The following ASB15 variants were observed in gnomAD, a reference collection of about 807,000 sequenced individuals.
ASB15 encodes the protein ankyrin repeat and SOCS box protein 15.
ASB15 carries 54 observed loss-of-function variants against 58.0 expected under a neutral mutation model. The observed-to-expected ratio is 0.93, with a 90% CI of 0.75 to 1.17. The LOEUF is 1.17. Among genes scored for constraint, ASB15 ranks in the 50% most tolerant of loss-of-function variants. ASB15 has a pLI of 0.00. For synonymous variants in ASB15, 249 were observed against 262.4 expected (o/e 0.95, Z 0.50); for missense variants, 680 against 707.4 (o/e 0.96, Z 0.44).
rs541047439 is a variant in ASB15 at position 123,618,772 on chromosome 7, A to C, written c.451+1035A>C. 3.3e-5 allele frequency among the ~76,000 whole-genome samples: 5 copies of C among 152,350 alleles called. No homozygotes were observed. In the South Asian group the frequency reaches 1.0e-3, roughly 32 times the overall value. ...AAAAAAAATTTTAAACAACCTTAATATTAAGAAAACCTGAATATTGTTAAG... is the reference window on the plus strand; with the variant it reads ...AAAAAAAATTTTAAACAACCTTAATCTTAAGAAAACCTGAATATTGTTAAG... On this transcript the variant is annotated intron_variant, in intron 7 of 11. Coordinates refer to ENST00000451215, the MANE Select transcript of ASB15 (RefSeq NM_001290258.2).
At chr7:123,589,159 T>C (rs1584738671) in intron 1 of ASB15, among the ~76,000 whole-genome samples, 2 of 151,968 alleles carry the variant, frequency 1.3e-5, no homozygotes, top group East Asian at 3.9e-4. Flanking sequence ...CCCCTACTAT[T>C]ATTGTCTATT....
intron 1 of ASB15, among the ~76,000 whole-genome samples, chr7:123,571,877 G>A (rs1232965711): frequency 6.6e-6 from 1 of 152,044 alleles, no homozygotes; most frequent in Non-Finnish European, 1.5e-5. Context: ...TGATCCTCCT[G>A]TTTCAGCCTC....
chr7:123,595,466 C>T (rs2116381429), intron 1 of ASB15, among the ~76,000 whole-genome samples: 1 of 152,358 alleles, frequency 6.6e-6, no homozygotes, highest in Admixed American at 6.5e-5. Flanking sequence ...TGTTCCCTCT[C>T]AGACTATCCT....
chr7:123,604,911 T>C (rs992248641), intron 2 of ASB15, among the ~76,000 whole-genome samples: 2 of 152,170 alleles, frequency 1.3e-5, no homozygotes, highest in Admixed American at 1.3e-4. Flanking sequence ...TGACTACTTG[T>C]GACACGTCAG....
intron 3 of ASB15, 137 bp from the exon 4 acceptor site, chr7:123,614,364 C>T (rs1002815987): frequency 1.6e-6 from 1 of 608,014 alleles, no homozygotes; most frequent in Non-Finnish European, 2.9e-6. Context: ...TAAAATGTTA[C>T]CCACATTTGT....
chr7:123,582,480 C>T (rs1257393644), intron 1 of ASB15, among the ~76,000 whole-genome samples: 1 of 151,960 alleles, frequency 6.6e-6, no homozygotes, highest in African/African-American at 2.4e-5. Flanking sequence ...TCAGTATATA[C>T]ATATATCCTA....
Position 123,609,263 on chromosome 7 carries a change from CT to C in ASB15, c.-3+610del, listed in dbSNP as rs139652109. Among the ~76,000 whole-genome samples, 301 of 152,198 alleles carry C rather than the reference CT, an allele frequency of 2.0e-3. 9 individuals carry two copies. The East Asian group carries it at 0.053, about 27-fold the overall frequency. The stretch of plus-strand genomic sequence containing the variant: ...TTTTGTTGTCCCTTCGTATCACTTC[CT>C]ACTAGATCCTAGCCTTAAACTTTCT... On this transcript the variant is annotated intron_variant, in intron 3 of 11. Transcript: ENST00000451215.
intron 1 of ASB15, among the ~76,000 whole-genome samples, chr7:123,586,428 T>A (rs947356057): frequency 1.3e-5 from 2 of 151,922 alleles, no homozygotes; most frequent in African/African-American, 4.8e-5. Flanking sequence ...TTAGGTTATT[T>A]GTTTTTTCTG....
chr7:123,606,794 T>C (rs925787508), intron 2 of ASB15, among the ~76,000 whole-genome samples: 1 of 152,200 alleles, frequency 6.6e-6, no homozygotes, highest in Non-Finnish European at 1.5e-5. Context: ...TCTCTTCTTT[T>C]TTAAGGTTAA....
chr7:123,618,869 A>G (rs529079738), intron 7 of ASB15, among the ~76,000 whole-genome samples: 1 of 152,070 alleles, frequency 6.6e-6, no homozygotes, highest in African/African-American at 2.4e-5. Flanking sequence ...ATATCAATGT[A>G]AAAAACGTAT....
At chr7:123,609,012 C>T (rs2116462870) in intron 3 of ASB15, 1 of 151,796 alleles carries the variant, frequency 6.6e-6, no homozygotes, top group African/African-American at 2.4e-5. Flanking sequence ...AACTCTTGCC[C>T]TTCCTCTGAT....
rs183747674 is a variant in ASB15, at chr7:123,568,261, C to T, written c.-443+1173C>T. Among the ~76,000 whole-genome samples the T allele has an allele frequency of 8.2e-4, 125 of 152,172 alleles. 2 individuals are homozygous for T. The East Asian group carries it at 0.02, about 24-fold the overall frequency. On this transcript the variant is annotated intron_variant, in intron 1 of 13. Transcript: ENST00000451558. ...GGCGCGGTGGCTCACGCCTGTAATC[C>T]CAGCACTTTGGGAGGCTGAGGCGGG... is the stretch of plus-strand genomic sequence containing the variant.
chr7:123,615,214 A>G (rs1467295117), intron 4 of ASB15: 1 of 152,294 alleles, frequency 6.6e-6, no homozygotes, highest in African/African-American at 2.4e-5. Flanking sequence ...AAAGTGATGT[A>G]TTATGTAGGT....
Position 123,628,938 on chromosome 7 carries a change from C to T in ASB15, c.944C>T (p.Ala315Val). ...RKSGLTPIHS[A>V]ADGQNAQCLE... ...AGTGGGCTAACACCAATTCACTCAG[C>T]AGCAGATGGACAAAATGCACAGTGT... The change falls in exon 10 of 12, where the codon GCA becomes GTA. Residue 315 changes from alanine (A) to valine (V), a missense_variant. By Grantham distance (64) the Ala-to-Val change is moderately conservative. Coordinates refer to ENST00000451215, the MANE Select transcript of ASB15 (RefSeq NM_001290258.2). 6.2e-7 allele frequency: 1 copy of T among 1,608,574 alleles called. No homozygotes were observed. The highest frequency in any genetic ancestry group is 8.5e-7 in the Non-Finnish European group (1 of 1,177,290).
chr7:123,594,877 GGC>G (rs1368712321), intron 1 of ASB15, among the ~76,000 whole-genome samples: 1 of 152,172 alleles, frequency 6.6e-6, no homozygotes, highest in Non-Finnish European at 1.5e-5. Flanking sequence ...TGTTCAGATA[GGC>G]CCTGCCCCCA....
intron 10 of ASB15, 54 bp downstream of exon 10, chr7:123,629,488 G>C: frequency 7.3e-7 from 1 of 1,365,464 alleles, no homozygotes; most frequent in Non-Finnish European, 1.0e-6. Context: ...TTTAATACAT[G>C]TTCATTCAAT....
intron 1 of ASB15, among the ~76,000 whole-genome samples, chr7:123,577,464 C>T (rs2116301426): frequency 6.6e-6 from 1 of 152,228 alleles, no homozygotes; most frequent in African/African-American, 2.4e-5. Flanking sequence ...GAACACATCA[C>T]AATGACATTT....
At chr7:123,567,719 G>A (rs1199570034) in intron 1 of ASB15, among the ~76,000 whole-genome samples, 1 of 152,032 alleles carries the variant, frequency 6.6e-6, no homozygotes, top group Non-Finnish European at 1.5e-5. Flanking sequence ...CAGGGGACAG[G>A]TAATGCTTAG....
chr7:123,631,756 A>G (rs779938646), intron 11 of ASB15, among the ~76,000 whole-genome samples: 4 of 152,164 alleles, frequency 2.6e-5, no homozygotes, highest in Non-Finnish European at 5.9e-5. Flanking sequence ...GCATCCTTCT[A>G]AAAAGTCAAG....
Sources: allele counts gnomAD v4.1 joint callset (sites outside exome capture counted in the v4.1 genomes callset), GRCh38; gene constraint gnomAD v4.1.1; transcripts MANE v1.5; gene names NCBI Gene and HGNC (gene_info 2026-07-23, HGNC 2026-07-21).